PCDHGA4: variants seen among roughly 807,000 people sequenced by gnomAD.
PCDHGA4 encodes protocadherin gamma-A4.
A neutral mutation model predicts 54.6 loss-of-function variants in PCDHGA4; 38 were observed. The observed-to-expected ratio is 0.70, with a 90% CI of 0.54 to 0.91. PCDHGA4 has a LOEUF of 0.91. PCDHGA4 is among the 40% of genes least tolerant of loss of function. The pLI, the probability that PCDHGA4 is intolerant of heterozygous loss-of-function variation, is 0.00. For synonymous variants in PCDHGA4, 511 were observed against 512.9 expected (o/e 1.00, Z 0.05); for missense variants, 1,298 against 1,220.9 (o/e 1.06, Z -0.94).
intron 1 of PCDHGA4, chr5:141,366,142 G>C (rs368467114): frequency 6.2e-7 from 1 of 1,614,176 alleles, no homozygotes; most frequent in African/African-American, 1.3e-5. Context: ...ACGCCTGGCT[G>C]TCCTACCGCC....
chr5:141,371,664 G>A (rs1433896687), intron 1 of PCDHGA4: 2 of 1,613,906 alleles, frequency 1.2e-6, no homozygotes, highest in Non-Finnish European at 1.7e-6. Flanking sequence ...GACGATCACA[G>A]CTACCGACAA....
chr5:141,390,522 G>A, intron 1 of PCDHGA4: 1 of 557,096 alleles, frequency 1.8e-6, no homozygotes, highest in Non-Finnish European at 3.1e-6. Flanking sequence ...AAGCAATGAG[G>A]GTGTGGTTTT....
intron 1 of PCDHGA4, chr5:141,410,715 G>A: frequency 1.4e-6 from 2 of 1,422,782 alleles, no homozygotes; most frequent in Non-Finnish European, 1.9e-6. Context: ...AGAATCATAT[G>A]TTTAAAATCC....
chr5:141,510,862 C>CATTCA, intron 3 of PCDHGA4, 85 bp from the exon 4 acceptor site: 1 of 1,606,772 alleles, frequency 6.2e-7, no homozygotes, highest in South Asian at 1.1e-5. Flanking sequence ...GCTGTATAGG[C>CATTCA]ATTCATTAAC....
At chr5:141,404,897 C>A in intron 1 of PCDHGA4, 1 of 1,613,920 alleles carries the variant, frequency 6.2e-7, no homozygotes, top group African/African-American at 1.3e-5. Context: ...TGTACAGGAC[C>A]ATGGCCAGCC....
In PCDHGA4 at chr5:141,489,372, G is replaced by A. The variant is rs1335356378; in HGVS notation, c.2515-5435G>A. 2 of 1,613,814 alleles carry A rather than the reference G, an allele frequency of 1.2e-6. No individual in the cohort carries two copies. Among genetic ancestry groups the A allele is most frequent in the Non-Finnish European group, 1.7e-6 (2 of 1,179,700 alleles). On this transcript the variant is annotated intron_variant, in intron 1 of 3. Transcript: ENST00000571252. The surrounding 1 kb of genome is among the most constrained non-coding windows in gnomAD (Gnocchi z 4.5). ...TGGAGGAGTCTGAGCCGGGGACGCT[G>A]GTGGGGAATGTTGCTCAGGATCTGG...
chr5:141,372,657 T>C, intron 1 of PCDHGA4: 3 of 1,614,048 alleles, frequency 1.9e-6, no homozygotes, highest in Non-Finnish European at 2.5e-6. Context: ...CTACAATCCG[T>C]GTGCTGCCTC....
At chr5:141,389,984 C>A (rs1388496409) in intron 1 of PCDHGA4, 1 of 1,613,952 alleles carries the variant, frequency 6.2e-7, no homozygotes, top group East Asian at 2.2e-5. Flanking sequence ...TCTCAGTGCT[C>A]TTCCTCGTGG....
chr5:141,357,481 G>A lies in PCDHGA4; in HGVS notation c.2374G>A (p.Ala792Thr), dbSNP rs1760624394. The A allele has an allele frequency of 9.3e-6, 15 of 1,614,106 alleles. No homozygotes were observed. The highest frequency in any genetic ancestry group is 1.3e-5 in the Non-Finnish European group (15 of 1,180,054). Residue 792 changes from alanine to threonine, a missense_variant, in exon 1 of 4, where the codon GCG becomes ACG. Physicochemically the swap from Ala to Thr is moderately conservative, Grantham distance 58. Transcript: ENST00000571252. ...QTYSHEVSLT[A>T]DSRKSHLIFS... is the part of the protein sequence containing the mutation. ...CTATTCCCACGAGGTCTCCCTCACC[G>A]CGGACTCGCGGAAGAGTCACCTGAT...
chr5:141,507,397 AC>A (rs1163501030), intron 3 of PCDHGA4: 1 of 152,144 alleles, frequency 6.6e-6, no homozygotes. Flanking sequence ...TGGCAACTCT[AC>A]CCCAGATGTC....
At position 141,491,692 on chromosome 5, in the gene PCDHGA4, C is replaced by T. The variant is rs749349869; in HGVS notation, c.2515-3115C>T. On this transcript the variant is annotated intron_variant, in intron 1 of 3. Coordinates refer to ENST00000571252, the MANE Select transcript of PCDHGA4 (RefSeq NM_018917.4). This position sits in a 1 kb window ranked among gnomAD's most constrained non-coding sequence, Gnocchi z 6.9. ...GTCCCGCTCTAATACGCTGCGGGAG[C>T]GGAGCCAGGTGAGGGGCTCGGCGCC... is the stretch of plus-strand genomic sequence containing the variant. 1 of 1,612,594 alleles carries T rather than the reference C, an allele frequency of 6.2e-7. No homozygotes were observed. The highest frequency in any genetic ancestry group is 8.5e-7 in the Non-Finnish European group (1 of 1,179,340).
intron 1 of PCDHGA4, chr5:141,427,047 C>T (rs1196561600): frequency 1.1e-5 from 5 of 457,294 alleles, no homozygotes; most frequent in Non-Finnish European, 1.8e-5. Flanking sequence ...GAATGTGCCC[C>T]CAGGCACCTC....
chr5:141,450,899 A>C (rs1045595271), intron 1 of PCDHGA4, among the ~76,000 whole-genome samples: 1 of 149,514 alleles, frequency 6.7e-6, no homozygotes, highest in Non-Finnish European at 1.5e-5. Context: ...ATATCGGCTC[A>C]CTGCAACCGC....
intron 1 of PCDHGA4, among the ~76,000 whole-genome samples, chr5:141,437,886 C>A (rs763669578): frequency 6.6e-6 from 1 of 152,022 alleles, no homozygotes; most frequent in Non-Finnish European, 1.5e-5. Flanking sequence ...TACAGGCACA[C>A]GCCACCACAC....
At chr5:141,390,025 G>A (rs762363185) in intron 1 of PCDHGA4, 2 of 1,613,882 alleles carry the variant, frequency 1.2e-6, no homozygotes, top group African/African-American at 1.3e-5. Flanking sequence ...TTGCGCCTGC[G>A]ACGCTCCTCC....
At chr5:141,412,779 C>A (rs966431850) in intron 1 of PCDHGA4, among the ~76,000 whole-genome samples, 6 of 152,168 alleles carry the variant, frequency 3.9e-5, no homozygotes, top group Non-Finnish European at 7.3e-5. Context: ...ACAATATTTT[C>A]ACTCCACTTT....
At position 141,486,484 on chromosome 5, in the gene PCDHGA4, C is replaced by G. The variant is rs200150307; in HGVS notation, c.2515-8323C>G. ...ATGCTGGGAACCCTCCTCTCAGTAC[C>G]CACAGAACTATTTTCCTCAATATTT... On this transcript the variant is annotated intron_variant, in intron 1 of 3. Transcript: ENST00000571252. The surrounding 1 kb of genome is among the most constrained non-coding windows in gnomAD (Gnocchi z 5.0). The G allele has an allele frequency of 2.8e-5, 45 of 1,614,102 alleles. No homozygotes were observed. In the Admixed American group the frequency reaches 5.5e-4, roughly 20 times the overall value.
intron 1 of PCDHGA4, chr5:141,384,125 A>T (rs376990785): frequency 1.2e-6 from 2 of 1,610,814 alleles, no homozygotes; most frequent in Non-Finnish European, 1.7e-6. Flanking sequence ...ACAACCAAAA[A>T]CTTGGACCGG....
intron 1 of PCDHGA4, chr5:141,375,317 C>T: frequency 1.2e-6 from 2 of 1,613,790 alleles, no homozygotes; most frequent in Non-Finnish European, 8.5e-7. Flanking sequence ...AGCTCTAGAC[C>T]GGGAAGAGGT....
Sources: allele counts gnomAD v4.1 joint callset (sites outside exome capture counted in the v4.1 genomes callset), GRCh38; gene constraint gnomAD v4.1.1; non-coding constraint Gnocchi (gnomAD v3.1); transcripts MANE v1.5; gene names NCBI Gene and HGNC (gene_info 2026-07-23, HGNC 2026-07-21).